Variants in ZBTB1 observed in about 807,000 individuals in gnomAD.
ZBTB1 encodes the protein zinc finger and BTB domain-containing protein 1.
In ZBTB1, 13 loss-of-function variants were observed where a neutral mutation model predicts 51.6. That is an observed-to-expected ratio of 0.25 (90% CI 0.16 to 0.40). The LOEUF (loss-of-function observed/expected upper bound fraction) is 0.40, where lower values mean the gene tolerates loss of function less well. Among genes scored for constraint, ZBTB1 ranks in the 10% least tolerant of loss-of-function variants. ZBTB1 has a pLI of 1.00. For missense variants in ZBTB1, 567 were observed against 856.5 expected, an observed-to-expected ratio of 0.66 and a Z score of 4.22; for synonymous variants, 240 against 282.2, an observed-to-expected ratio of 0.85 and a Z score of 1.50.
intron 1 of ZBTB1, among the ~76,000 whole-genome samples, chr14:64,517,034 A>T (rs559296953): frequency 6.6e-6 from 1 of 152,186 alleles, no homozygotes; most frequent in Admixed American, 6.5e-5. Flanking sequence ...AATACTTGAA[A>T]GTTTTTATAG....
At position 64,523,247 on chromosome 14, in the gene ZBTB1, T is replaced by C; in HGVS notation, c.1743T>C (p.Asn581=). ...ERDHRRKHFC[N]LCGKGFYQRC... ...ATCACAGACGAAAGCATTTTTGTAA[T>C]CTGTGTGGAAAAGGATTTTATCAGC... is the stretch of plus-strand genomic sequence containing the variant. The change falls in exon 2 of 2, where the codon AAT becomes AAC. Residue 581 remains asparagine, a synonymous_variant. Coordinates refer to ENST00000683701, the MANE Select transcript of ZBTB1 (RefSeq NM_001123329.2). This position sits in a 1 kb window ranked among gnomAD's most constrained non-coding sequence, Gnocchi z 4.5. 6.2e-7 allele frequency: 1 copy of C among 1,614,202 alleles called. No individual in the cohort carries two copies.
chr14:64,506,596 T>C (rs1388275214), intron 1 of ZBTB1, among the ~76,000 whole-genome samples: 1 of 152,188 alleles, frequency 6.6e-6, no homozygotes. Flanking sequence ...GTGAAATGCT[T>C]TTCCAAAGGT....
Position 64,531,831 on chromosome 14 carries a change from T to C in ZBTB1, c.1899-30T>C, listed in dbSNP as rs780171030. ...AGCAGTCAACTTGTAATATTATTTT[T>C]CTTGAGTTTTGTCTTTTTCTGTGTG... On this transcript the variant is annotated intron_variant, in intron 2 of 2. Transcript: ENST00000358738. 6 of 1,613,408 alleles carry C rather than the reference T, an allele frequency of 3.7e-6. No homozygotes were observed. In the South Asian group the frequency reaches 5.5e-5, roughly 15 times the overall value.
chr14:64,533,152 A>G (rs2079955525), exon 3 of ZBTB1: 1 of 152,124 alleles, frequency 6.6e-6, no homozygotes, highest in African/African-American at 2.4e-5. Flanking sequence ...TCATTCTAAT[A>G]ATTAGACTAA....
chr14:64,529,260 T>A (rs928068994), downstream of ZBTB1, among the ~76,000 whole-genome samples: 1 of 152,202 alleles, frequency 6.6e-6, no homozygotes, highest in African/African-American at 2.4e-5. Flanking sequence ...GAATTCAACT[T>A]CCACATTTCT....
chr14:64,511,104 G>C (rs2079719985), intron 1 of ZBTB1: 1 of 152,166 alleles, frequency 6.6e-6, no homozygotes, highest in African/African-American at 2.4e-5. Context: ...TTTTTAAGTG[G>C]GTTCCAGACA....
intron 1 of ZBTB1, among the ~76,000 whole-genome samples, chr14:64,519,235 G>A (rs1444000425): frequency 6.8e-6 from 1 of 147,800 alleles, no homozygotes; most frequent in African/African-American, 2.5e-5. Context: ...TGCAACCTCC[G>A]CCTTCTGGGT....
downstream of ZBTB1, among the ~76,000 whole-genome samples, chr14:64,528,301 C>T (rs1425144512): frequency 6.7e-6 from 1 of 148,584 alleles, no homozygotes; most frequent in Non-Finnish European, 1.5e-5. Flanking sequence ...CTAATTTTAA[C>T]TGGGTTTTTA....
At chr14:64,509,709 C>T (rs1027727776) in intron 1 of ZBTB1, among the ~76,000 whole-genome samples, 3 of 151,786 alleles carry the variant, frequency 2.0e-5, no homozygotes, top group African/African-American at 4.8e-5. Context: ...TGGTGGCTCA[C>T]GCTTGTAATC....
chr14:64,517,781 A>ATATTTTT (rs1160337478), intron 1 of ZBTB1, among the ~76,000 whole-genome samples: 1 of 41,562 alleles, frequency 2.4e-5, no homozygotes, highest in African/African-American at 8.9e-5. Flanking sequence ...ATATATATAT[A>ATATTTTT]TTTTTTTTTT....
At chr14:64,508,349 A>C (rs958147280) in intron 1 of ZBTB1, among the ~76,000 whole-genome samples, 2 of 152,196 alleles carry the variant, frequency 1.3e-5, no homozygotes, top group Non-Finnish European at 2.9e-5. Flanking sequence ...GAAGTATTAG[A>C]AGAGGCATGC....
chr14:64,520,357 C>G (rs1300186554), intron 1 of ZBTB1, among the ~76,000 whole-genome samples: 1 of 152,120 alleles, frequency 6.6e-6, no homozygotes, highest in Non-Finnish European at 1.5e-5. Context: ...CTCTGTCACA[C>G]AAGCTAGAGT....
intron 2 of ZBTB1, among the ~76,000 whole-genome samples, chr14:64,531,366 C>T (rs984630386): frequency 1.1e-4 from 16 of 152,072 alleles, no homozygotes; most frequent in African/African-American, 3.9e-4. Context: ...AGGAAAACCC[C>T]TCCTCTTCTT....
At chr14:64,516,716 T>G (rs907441322) in intron 1 of ZBTB1, 1 of 152,238 alleles carries the variant, frequency 6.6e-6, no homozygotes, top group African/African-American at 2.4e-5. Context: ...CTACTGCTGA[T>G]GATCAACACT....
intron 1 of ZBTB1, among the ~76,000 whole-genome samples, chr14:64,518,092 C>T (rs2079814806): frequency 6.6e-6 from 1 of 152,054 alleles, no homozygotes; most frequent in Non-Finnish European, 1.5e-5. Flanking sequence ...CCACCTTGGC[C>T]TCCCAAAGTG....
At chr14:64,532,540 A>G (rs2079950042) in exon 3 of ZBTB1, 1 of 152,140 alleles carries the variant, frequency 6.6e-6, no homozygotes, top group South Asian at 2.1e-4. Flanking sequence ...GATCATTTAT[A>G]TGAATGAAAC....
chr14:64,531,454 C>A (rs138843496), intron 2 of ZBTB1, among the ~76,000 whole-genome samples: 162 of 152,112 alleles, frequency 1.1e-3, no homozygotes, highest in African/African-American at 3.8e-3. Flanking sequence ...AGAATATGAA[C>A]TTTAAAAAAA....
At chr14:64,517,720 T>C (rs2079801527) in intron 1 of ZBTB1, among the ~76,000 whole-genome samples, 2 of 147,250 alleles carry the variant, frequency 1.4e-5, no homozygotes, top group South Asian at 4.3e-4. Flanking sequence ...CTCTCCATCT[T>C]GAACATTTTT....
chr14:64,505,336 G>A (rs922715728), intron 1 of ZBTB1: 1 of 160,640 alleles, frequency 6.2e-6, no homozygotes, highest in African/African-American at 2.4e-5. Flanking sequence ...GCGGCTCGGC[G>A]GCGGGTGGGA....
Sources: allele counts gnomAD v4.1 joint callset (sites outside exome capture counted in the v4.1 genomes callset), GRCh38; gene constraint gnomAD v4.1.1; non-coding constraint Gnocchi (gnomAD v3.1); transcripts MANE v1.5; gene names NCBI Gene and HGNC (gene_info 2026-07-23, HGNC 2026-07-21).